Variants in GTF2IRD2B observed in about 807,000 individuals in gnomAD.
GTF2IRD2B encodes the protein GTF2I repeat domain containing 2B.
GTF2IRD2B carries 10 observed loss-of-function variants against 55.6 expected under a neutral mutation model. The ratio of observed to expected loss-of-function variants is 0.18; its 90% confidence interval spans 0.11 to 0.31. The LOEUF (loss-of-function observed/expected upper bound fraction) is 0.31, where lower values mean the gene tolerates loss of function less well. Ranked by LOEUF, GTF2IRD2B falls within the 10% of genes least tolerant of loss-of-function variation. The probability of loss-of-function intolerance (pLI) is 1.00; values close to 1 mark genes in which losing one functional copy is unlikely to be tolerated. For synonymous variants in GTF2IRD2B, 107 were observed against 320.5 expected, an observed-to-expected ratio of 0.33 and a Z score of 7.12; for missense variants, 206 against 802.7, an observed-to-expected ratio of 0.26 and a Z score of 8.98.
In GTF2IRD2B at chr7:75,112,093, C is replaced by T. The variant is rs1308829567; in HGVS notation, c.100-304C>T. ...CCCGTCTCTACTAAAAATACACACA[C>T]ACACACACACACACACACACACACA... On this transcript the variant is annotated intron_variant, in intron 2 of 15. Transcript: ENST00000472837. Among the ~76,000 whole-genome samples the T allele has an allele frequency of 1.4e-3, 39 of 27,526 alleles. 3 individuals are homozygous for T. The Middle Eastern group carries it at 0.056, about 39-fold the overall frequency. The allele number at this position is 27,526 out of a possible 152,430, so 18.1% of individuals were successfully genotyped here. A position where few individuals can be genotyped will look rare whatever the true frequency, so the allele number is the denominator to read the frequency against.
intron 3 of GTF2IRD2B, among the ~76,000 whole-genome samples, chr7:75,113,852 AG>A (rs1808050896): frequency 1.4e-5 from 2 of 137,932 alleles, no homozygotes; most frequent in Middle Eastern, 3.7e-3. Context: ...GGATTGGCAG[AG>A]GGTATATAAA....
At position 75,132,881 on chromosome 7, in the gene GTF2IRD2B, A is replaced by T. The variant is rs587688389; in HGVS notation, c.671-254A>T. 4.8e-5 allele frequency among the ~76,000 whole-genome samples: 7 copies of T among 147,328 alleles called. No homozygotes were observed. In the East Asian group the frequency reaches 1.2e-3, roughly 24 times the overall value. On this transcript the variant is annotated intron_variant, in intron 8 of 15. Coordinates refer to ENST00000472837, the MANE Select transcript of GTF2IRD2B (RefSeq NM_001003795.3). ...TCCTTCCTTCTTTCCTTTTCTATTG[A>T]TTTTACAATTGATATTATTTTTATA...
chr7:75,123,774 A>C (rs1157450503), intron 6 of GTF2IRD2B: 2 of 474,536 alleles, frequency 4.2e-6, no homozygotes. Flanking sequence ...GCTACTCGGG[A>C]GTCTGAGGCA....
At chr7:75,105,199 C>T (rs1474273514) in intron 1 of GTF2IRD2B, among the ~76,000 whole-genome samples, 15 of 151,358 alleles carry the variant, frequency 9.9e-5, no homozygotes, top group Admixed American at 9.9e-4. Context: ...AAACAAAAAA[C>T]AAAAAACAAA....
intron 1 of GTF2IRD2B, among the ~76,000 whole-genome samples, chr7:75,102,449 C>T (rs1157000401): frequency 7.3e-5 from 11 of 151,370 alleles, no homozygotes; most frequent in African/African-American, 2.2e-4. Flanking sequence ...ATATGTGACT[C>T]CTTTGGATTT....
intron 1 of GTF2IRD2B, among the ~76,000 whole-genome samples, chr7:75,102,731 G>T (rs1554421847): frequency 2.0e-5 from 3 of 151,698 alleles, no homozygotes; most frequent in South Asian, 2.1e-4. Flanking sequence ...GCCAAGGCAG[G>T]TAGATCACTT....
intron 1 of GTF2IRD2B, chr7:75,093,853 G>GTA (rs1205717767): frequency 7.1e-6 from 1 of 140,488 alleles, no homozygotes; most frequent in African/African-American, 2.7e-5. Flanking sequence ...TCTCATAGGT[G>GTA]TATACCAAGG....
chr7:75,099,737 AAAATAAATAAATAAATAAATAAATAAAT>A (rs781954915), intron 1 of GTF2IRD2B, among the ~76,000 whole-genome samples: 15 of 126,574 alleles, frequency 1.2e-4, no homozygotes, highest in African/African-American at 3.9e-4. Context: ...ACTCCGTCTC[AAAATAAATAAATAAATAAATAAATAAAT>A]AAATAAATAA....
In GTF2IRD2B at chr7:75,112,426, A is replaced by G; in HGVS notation, c.129A>G (p.Glu43=). The G allele has an allele frequency of 3.7e-6, 2 of 537,970 alleles. No individual in the cohort carries two copies. The highest frequency in any genetic ancestry group is 6.4e-6 in the Non-Finnish European group (2 of 313,880). 33.3% of individuals were successfully genotyped at this position (537,970 alleles called of 1,614,324 possible). A position where few individuals can be genotyped will look rare whatever the true frequency, so the allele number is the denominator to read the frequency against. Residue 43 remains glutamate, a synonymous_variant, in exon 3 of 16, where the codon GAA becomes GAG. Transcript: ENST00000472837. Reference sequence around the variant, plus strand: ...AAGAACTGGCCAAGTCCAAGGCAGAAGTGGCCTGCATCGCAGTGTACGAAA... The same window carrying G: ...AAGAACTGGCCAAGTCCAAGGCAGAGGTGGCCTGCATCGCAGTGTACGAAA... ...MCKELAKSKA[E]VACIAVYETD...
intron 1 of GTF2IRD2B, among the ~76,000 whole-genome samples, chr7:75,102,619 A>G: frequency 6.6e-6 from 1 of 151,514 alleles, no homozygotes; most frequent in Admixed American, 6.6e-5. Context: ...TGATCGAGCC[A>G]CTGCACTCCA....
intron 1 of GTF2IRD2B, among the ~76,000 whole-genome samples, chr7:75,103,453 A>G (rs1482497476): frequency 1.3e-5 from 2 of 150,458 alleles, no homozygotes; most frequent in African/African-American, 4.9e-5. Context: ...TCTGGTGTTC[A>G]TTGTTAATTA....
chr7:75,105,294 A>C (rs1807750899), intron 1 of GTF2IRD2B, among the ~76,000 whole-genome samples: 1 of 152,308 alleles, frequency 6.6e-6, no homozygotes, highest in African/African-American at 2.4e-5. Flanking sequence ...ACTTGAGGTC[A>C]AGGGTTCGAG....
At chr7:75,107,313 C>T (rs1441507338) in intron 1 of GTF2IRD2B, among the ~76,000 whole-genome samples, 21 of 152,148 alleles carry the variant, frequency 1.4e-4, no homozygotes, top group Admixed American at 1.2e-3. Context: ...CGGTGGCTCA[C>T]GCCTGTAATC....
intron 1 of GTF2IRD2B, among the ~76,000 whole-genome samples, chr7:75,092,994 G>A (rs1554422874): frequency 6.6e-6 from 1 of 152,404 alleles, no homozygotes; most frequent in South Asian, 2.1e-4. Flanking sequence ...TGCCGCGGGG[G>A]CAATGGTCGT....
chr7:75,115,915 TTTC>T (rs1584532989), intron 3 of GTF2IRD2B, among the ~76,000 whole-genome samples: 357 of 74,576 alleles, frequency 4.8e-3, no homozygotes, highest in African/African-American at 0.011. Flanking sequence ...ATTTCTTTTC[TTTC>T]TTTTTTTTTT....
intron 6 of GTF2IRD2B, chr7:75,123,741 G>C: frequency 1.5e-6 from 1 of 655,738 alleles, no homozygotes; most frequent in Non-Finnish European, 2.6e-6. Context: ...AGCCGGGCGT[G>C]GTGGCGGGCG....
At chr7:75,114,203 T>A (rs1808066893) in intron 3 of GTF2IRD2B, among the ~76,000 whole-genome samples, 1 of 151,202 alleles carries the variant, frequency 6.6e-6, no homozygotes, top group African/African-American at 2.4e-5. Flanking sequence ...AGAAGACAGA[T>A]TAAAAAATGA....
Position 75,103,244 on chromosome 7 carries a change from A to T in GTF2IRD2B, c.-5-5716A>T, listed in dbSNP as rs1807640593. 2.0e-5 allele frequency among the ~76,000 whole-genome samples: 3 copies of T among 151,982 alleles called. No homozygotes were observed. In the South Asian group the frequency reaches 6.2e-4, roughly 31 times the overall value. ...CAGTGAGCCGAGATCGCACCACTGC[A>T]CTCCAGCCTGGGTGACAGAGTAAGA... On this transcript the variant is annotated intron_variant, in intron 1 of 15. Transcript: ENST00000472837.
rs113660072 is a variant in GTF2IRD2B, at chr7:75,133,547, C to CTT, written c.748+347_748+348dup. Among the ~76,000 whole-genome samples, 129 of 132,396 alleles carry CTT rather than the reference C, an allele frequency of 9.7e-4. 1 individual carries two copies. The highest frequency in any genetic ancestry group is 4.3e-3 in the Middle Eastern group (1 of 232). The allele number at this position is 132,396 out of a possible 152,430, so 86.9% of individuals were successfully genotyped here. A position where few individuals can be genotyped will look rare whatever the true frequency, so the allele number is the denominator to read the frequency against. On this transcript the variant is annotated intron_variant, in intron 9 of 15. Transcript: ENST00000472837. The stretch of plus-strand genomic sequence containing the variant: ...CATGCCTGGGCTAAATCCACATACT[C>CTT]TTTTTTTTTTTTTGAGACAGAATCT...
Sources: gnomAD v4.1 joint callset for allele counts (sites outside exome capture counted in the v4.1 genomes callset) on GRCh38, gnomAD v4.1.1 for gene constraint, MANE v1.5 for transcripts, NCBI Gene and HGNC (gene_info 2026-07-23, HGNC 2026-07-21) for gene names.